CLEC2D: variants seen among roughly 807,000 people sequenced by gnomAD.
CLEC2D encodes the protein C-type lectin domain family 2 member D, also known as C-type lectin related f.
In CLEC2D, 16 loss-of-function variants were observed where a neutral mutation model predicts 20.0. The observed-to-expected ratio is 0.80, with a 90% CI of 0.54 to 1.22. The LOEUF (loss-of-function observed/expected upper bound fraction) is 1.22. Ranked by LOEUF, CLEC2D falls within the 50% of genes most tolerant of loss-of-function variation. The pLI is 0.00. For missense variants in CLEC2D, 207 were observed against 221.5 expected, an observed-to-expected ratio of 0.93 and a Z score of 0.42; for synonymous variants, 77 against 71.1, an observed-to-expected ratio of 1.08 and a Z score of -0.42.
At chr12:9,677,677 T>TGAA (rs1410310407) in intron 1 of CLEC2D, among the ~76,000 whole-genome samples, 71 of 151,434 alleles carry the variant, frequency 4.7e-4, no homozygotes, top group Middle Eastern at 3.4e-3. Flanking sequence ...ACTGATTTTC[T>TGAA]GCCTGCTGGA....
chr12:9,684,194 A>C (rs1050178254), intron 2 of CLEC2D, among the ~76,000 whole-genome samples: 2 of 152,196 alleles, frequency 1.3e-5, no homozygotes, highest in Non-Finnish European at 2.9e-5. Flanking sequence ...ATTGGTGTAT[A>C]GGAATGCTTG....
intron 1 of CLEC2D, among the ~76,000 whole-genome samples, chr12:9,675,263 G>A (rs760763789): frequency 2.0e-5 from 3 of 149,836 alleles, no homozygotes; most frequent in East Asian, 3.9e-4. Flanking sequence ...GCGCAATCTC[G>A]GCTCACTGCA....
At chr12:9,694,044 G>A in intron 4 of CLEC2D, 1 of 176,210 alleles carries the variant, frequency 5.7e-6, no homozygotes, top group South Asian at 7.9e-5. Context: ...GAACTCCTGA[G>A]CTCAAGCAAT....
chr12:9,683,113 TA>T (rs1285973028), intron 2 of CLEC2D, among the ~76,000 whole-genome samples: 5 of 152,360 alleles, frequency 3.3e-5, no homozygotes, highest in Middle Eastern at 6.8e-3. Context: ...ATGAGCTTTT[TA>T]TCATATATTT....
chr12:9,676,970 T>C (rs6488121), intron 1 of CLEC2D, among the ~76,000 whole-genome samples: 32,837 of 151,940 alleles, frequency 0.22, 4,698 homozygotes, highest in African/African-American at 0.41. Context: ...TAACAACTCC[T>C]TATTTATTTC....
intron 3 of CLEC2D, among the ~76,000 whole-genome samples, chr12:9,691,686 T>C (rs1865866420): frequency 6.6e-6 from 1 of 152,150 alleles, no homozygotes; most frequent in Non-Finnish European, 1.5e-5. Context: ...ACAAGGGACA[T>C]TAGAAAATAC....
At chr12:9,693,195 A>G in intron 4 of CLEC2D, 1 of 1,015,636 alleles carries the variant, frequency 9.8e-7, no homozygotes, top group South Asian at 1.3e-5. Flanking sequence ...CAAACCATAC[A>G]ATATCTTTAA....
chr12:9,694,003 G>A, intron 4 of CLEC2D: 1 of 288,880 alleles, frequency 3.5e-6, no homozygotes, highest in East Asian at 1.2e-4. Flanking sequence ...TTTCAGCGAT[G>A]GGGTCTCACT....
intron 2 of CLEC2D, among the ~76,000 whole-genome samples, chr12:9,687,252 A>G (rs1472400200): frequency 6.6e-6 from 1 of 152,226 alleles, no homozygotes; most frequent in Non-Finnish European, 1.5e-5. Flanking sequence ...GATGGGAGAC[A>G]GTGACAGTTC....
chr12:9,674,113 CTG>C (rs1231717648), intron 1 of CLEC2D: 1 of 152,330 alleles, frequency 6.6e-6, no homozygotes, highest in Non-Finnish European at 1.5e-5. Context: ...TCGTGCCTCA[CTG>C]GAGTTCCAGG....
chr12:9,686,086 C>T (rs1249635167), intron 2 of CLEC2D, among the ~76,000 whole-genome samples: 1 of 151,874 alleles, frequency 6.6e-6, no homozygotes, highest in Non-Finnish European at 1.5e-5. Context: ...TCACAACTTC[C>T]CTTGGCTAGG....
chr12:9,688,004 A>G lies in CLEC2D; in HGVS notation c.275A>G (p.Asp92Gly). The G allele has an allele frequency of 1.2e-6, 2 of 1,612,982 alleles. No homozygotes were observed. The highest frequency in any genetic ancestry group is 2.2e-5 in the East Asian group (1 of 44,680). The change falls in exon 3 of 5, where the codon GAC (aspartate) becomes GGC (glycine). Residue 92 changes from aspartate to glycine, a missense_variant. By Grantham distance (94) the Asp-to-Gly change is moderately conservative. Coordinates refer to ENST00000290855, the MANE Select transcript of CLEC2D (RefSeq NM_013269.6). The part of the protein sequence containing the change: ...FQRKCFYFSD[D>G]TKNWTSSQRF... ...AGAAAGTGTTTCTATTTTTCTGATG[A>G]CACCAAGAACTGGACATCAAGTCAG... is the stretch of plus-strand genomic sequence containing the variant.
chr12:9,692,095 C>G (rs1178508805), intron 3 of CLEC2D, among the ~76,000 whole-genome samples: 2 of 149,446 alleles, frequency 1.3e-5, no homozygotes, highest in African/African-American at 4.9e-5. Context: ...TCTTTTCTTT[C>G]TCTTTCTTTC....
chr12:9,672,932 C>G (rs1026188347), intron 1 of CLEC2D, among the ~76,000 whole-genome samples: 2 of 152,104 alleles, frequency 1.3e-5, no homozygotes, highest in Non-Finnish European at 2.9e-5. Context: ...ATGTTCCTCT[C>G]TGAACTGGTT....
Position 9,691,643 on chromosome 12 carries a change from G to T in CLEC2D, c.358-1185G>T, listed in dbSNP as rs748014011. Among the ~76,000 whole-genome samples, 4 of 152,188 alleles carry T rather than the reference G, an allele frequency of 2.6e-5. No individual in the cohort carries two copies. In the South Asian group the frequency reaches 6.2e-4, roughly 24 times the overall value. ...CGCATATGTAGAAATTTAAAAACCC[G>T]CTCTTCAACAGCCATTGGTCAAAGA... On this transcript the variant is annotated intron_variant, in intron 3 of 4. Coordinates refer to ENST00000290855, the MANE Select transcript of CLEC2D (RefSeq NM_013269.6).
chr12:9,685,508 C>G (rs555705187), intron 2 of CLEC2D, among the ~76,000 whole-genome samples: 6 of 152,236 alleles, frequency 3.9e-5, no homozygotes, highest in Admixed American at 6.5e-5. Context: ...CTGACTGGGG[C>G]TGCTGCCTTT....
At chr12:9,676,973 T>C (rs762245896) in intron 1 of CLEC2D, among the ~76,000 whole-genome samples, 2 of 152,264 alleles carry the variant, frequency 1.3e-5, no homozygotes, top group African/African-American at 4.8e-5. Flanking sequence ...CAACTCCTTA[T>C]TTATTTCTGA....
chr12:9,681,676 A>G (rs1437177792), intron 2 of CLEC2D, among the ~76,000 whole-genome samples: 1 of 152,226 alleles, frequency 6.6e-6, no homozygotes, highest in Non-Finnish European at 1.5e-5. Context: ...GCCAATCTGG[A>G]TATCAACCTA....
chr12:9,688,457 C>T (rs1009696562), intron 3 of CLEC2D, among the ~76,000 whole-genome samples: 13 of 152,176 alleles, frequency 8.5e-5, no homozygotes, highest in Admixed American at 1.3e-4. Context: ...GTGGCACATG[C>T]CTGTAATCCC....
Sources: allele counts gnomAD v4.1 joint callset (sites outside exome capture counted in the v4.1 genomes callset), GRCh38; gene constraint gnomAD v4.1.1; transcripts MANE v1.5; gene names NCBI Gene and HGNC (gene_info 2026-07-23, HGNC 2026-07-21).